The following FLII variants were observed in gnomAD, a reference collection of about 807,000 sequenced individuals.
The protein encoded by FLII is FLII actin remodeling protein.
In FLII, 101 loss-of-function variants were observed where a neutral mutation model predicts 156.2. That is an observed-to-expected ratio of 0.65 (90% CI 0.55 to 0.76). The LOEUF (loss-of-function observed/expected upper bound fraction) is 0.76. Ranked by LOEUF, FLII falls within the 30% of genes least tolerant of loss-of-function variation. The probability of loss-of-function intolerance (pLI) is 0.00; values close to 1 mark genes in which losing one functional copy is unlikely to be tolerated. For synonymous variants in FLII, 767 were observed against 685.8 expected (o/e 1.12, Z -1.85); for missense variants, 1,675 against 1,682.8 (o/e 1.00, Z 0.08).
rs1364508195 is a variant in FLII, at chr17:18,253,731, G to A, written c.680-12C>T. The A allele has an allele frequency of 2.5e-6, 4 of 1,593,244 alleles. No individual in the cohort carries two copies. The highest frequency in any genetic ancestry group is 2.7e-5 in the African/African-American group (2 of 74,690). Reference sequence around the variant, plus strand: ...GGACAGATCCACGTCTGGGGTGCAGGGTGGGGTGCATCAGCTGGGGCCCAT... The same window carrying A: ...GGACAGATCCACGTCTGGGGTGCAGAGTGGGGTGCATCAGCTGGGGCCCAT... On this transcript the variant is annotated splice_polypyrimidine_tract_variant and intron_variant, in intron 7 of 29. Transcript: ENST00000327031.
intron 6 of FLII, 109 bp from the exon 7 acceptor site, chr17:18,254,291 G>T: frequency 1.1e-6 from 1 of 916,946 alleles, no homozygotes; most frequent in Non-Finnish European, 1.6e-6. Flanking sequence ...TAGGTGTGAG[G>T]TCACATCTGG....
chr17:18,245,746 G>C lies in FLII; in HGVS notation c.3501C>G (p.Phe1167Leu), dbSNP rs1349765136. The C allele has an allele frequency of 6.2e-7, 1 of 1,613,804 alleles. No homozygotes were observed. Among genetic ancestry groups the C allele is most frequent in the Non-Finnish European group, 8.5e-7 (1 of 1,179,772 alleles). Residue 1167 changes from phenylalanine to leucine, a missense_variant and splice_region_variant, in exon 27 of 30, where the codon TTC becomes TTG. This residue lies in a region of FLII where 1,332 missense variants were observed against 1,269.3 expected (regional missense o/e 1.05). Transcript: ENST00000327031. ...GAGGGTCAGGGCCCTGGCCTCACCG[G>C]AAGAGACGTGTGTGTTTCATGTACT... ...DAEYMKHTRL[F>L]RCSNEKGYFA...
intron 23 of FLII, 50 bp from the exon 24 acceptor site, chr17:18,246,512 CTCGGGA>C (rs1236959757): frequency 6.2e-7 from 1 of 1,612,310 alleles, no homozygotes; most frequent in East Asian, 2.2e-5. Context: ...CCACCTGCCC[CTCGGGA>C]GCCTAACCTT....
chr17:18,256,051 C>T (rs576613053), intron 3 of FLII, among the ~76,000 whole-genome samples: 25 of 152,376 alleles, frequency 1.6e-4, no homozygotes, highest in African/African-American at 5.5e-4. Context: ...TGTTCTGGGA[C>T]GTTCAAGTCT....
intron 10 of FLII, 29 bp downstream of exon 10, chr17:18,252,441 CTT>C (rs2048299566): frequency 6.2e-7 from 1 of 1,601,076 alleles, no homozygotes; most frequent in South Asian, 1.1e-5. Flanking sequence ...GCTTGTCTCT[CTT>C]GAGCCCTCTC....
Position 18,247,284 on chromosome 17 carries a change from A to C in FLII, c.2561T>G (p.Leu854Arg). Residue 854 changes from leucine (L) to arginine (R), a missense_variant, in exon 21 of 30, where the codon CTG (leucine) becomes CGG (arginine). By Grantham distance (102) the Leu-to-Arg change is moderately radical. Around this residue, in one of 2 missense-constraint regions of FLII, gnomAD observed 1,332 missense variants for 1,269.3 expected, o/e 1.05. Transcript: ENST00000327031. ...CTTCCCGGAGAGACCCGGGCTCTGC[A>C]GCACGGCCTCCGCATTGCGTGTGTA... ...VDYTRNAEAV[L>R]QSPGLSGKVK... The C allele has an allele frequency of 6.2e-7, 1 of 1,613,036 alleles. No individual in the cohort carries two copies. The highest frequency in any genetic ancestry group is 1.1e-5 in the South Asian group (1 of 91,040).
intron 10 of FLII, 61 bp from the exon 11 acceptor site, chr17:18,252,207 A>C: frequency 2.0e-6 from 3 of 1,473,300 alleles, no homozygotes; most frequent in Non-Finnish European, 2.8e-6. Flanking sequence ...AGACACACCA[A>C]TCCAGTTTCT....
intron 6 of FLII, 53 bp downstream of exon 6, chr17:18,254,468 G>T: frequency 6.5e-7 from 1 of 1,533,274 alleles, no homozygotes; most frequent in South Asian, 1.2e-5. Context: ...AAGGGGCCCG[G>T]CCAGACTCCT....
In FLII at chr17:18,247,065, G is replaced by A. The variant is rs1319100664; in HGVS notation, c.2677-13C>T. The stretch of plus-strand genomic sequence containing the variant: ...TCAGCTGCTCCGCCTGCAGGTGAGA[G>A]GGACCCGCCCCGCGGCAGGTCTGAG... On this transcript the variant is annotated splice_polypyrimidine_tract_variant and intron_variant, in intron 21 of 29. Transcript: ENST00000327031. The A allele has an allele frequency of 6.2e-7, 1 of 1,611,692 alleles. No individual in the cohort carries two copies. The highest frequency in any genetic ancestry group is 1.1e-5 in the South Asian group (1 of 91,082).
rs1351530965 is a variant in FLII, at chr17:18,258,125, G to A, written c.63+503C>T. ...GAGGAGACTTTTAAGCCCCTTCACC[G>A]GCTGAGAAAGCCTAGGCTCTGAGAG... is the stretch of plus-strand genomic sequence containing the variant. On this transcript the variant is annotated intron_variant, in intron 1 of 29. Transcript: ENST00000327031. The surrounding 1 kb of genome is among the most constrained non-coding windows in gnomAD (Gnocchi z 4.2). Among the ~76,000 whole-genome samples, 5 of 152,250 alleles carry A rather than the reference G, an allele frequency of 3.3e-5. No individual in the cohort carries two copies. The highest frequency in any genetic ancestry group is 6.5e-5 in the Admixed American group (1 of 15,290).
chr17:18,248,748 C>A, intron 17 of FLII, 27 bp from the exon 18 acceptor site: 1 of 1,614,010 alleles, frequency 6.2e-7, no homozygotes, highest in Non-Finnish European at 8.5e-7. Flanking sequence ...AAGTCATCAG[C>A]GAGGCTCACA....
At position 18,252,042 on chromosome 17, in the gene FLII, C is replaced by T; in HGVS notation, c.1203G>A (p.Arg401=). The change falls in exon 11 of 30, where the codon CGG becomes CGA. Residue 401 remains arginine (R), a synonymous_variant. Transcript: ENST00000327031. ...NIDFSLQNQL[R]LAGASPATVA... ...CGGTAGCAGGAGAGGCACCCGCTAG[C>T]CGCAGCTGGTTCTGCAGCGAGAAGT... 6.2e-7 allele frequency: 1 copy of T among 1,613,234 alleles called. No individual in the cohort carries two copies. The highest frequency in any genetic ancestry group is 8.5e-7 in the Non-Finnish European group (1 of 1,179,988).
Position 18,258,333 on chromosome 17 carries a change from A to G in FLII, c.63+295T>C. 1.5e-6 allele frequency: 1 copy of G among 647,070 alleles called. No homozygotes were observed. The highest frequency in any genetic ancestry group is 2.5e-6 in the Non-Finnish European group (1 of 402,546). The allele number at this position is 647,070 out of a possible 1,614,324, so 40.1% of individuals were successfully genotyped here. On this transcript the variant is annotated intron_variant, in intron 1 of 29. Coordinates refer to ENST00000327031, the MANE Select transcript of FLII (RefSeq NM_002018.4). The surrounding 1 kb of genome is among the most constrained non-coding windows in gnomAD (Gnocchi z 4.2). The stretch of plus-strand genomic sequence containing the variant: ...AGGCTCGCCCGATCCCCAGGCCACC[A>G]TCCAGCCTAGACCGAGAACACGGAC...
rs1402206783 is a variant in FLII, at chr17:18,247,821, C to T, written c.2323G>A (p.Val775Met). 31 of 1,613,398 alleles carry T rather than the reference C, an allele frequency of 1.9e-5. No homozygotes were observed. The highest frequency in any genetic ancestry group is 2.5e-5 in the Non-Finnish European group (29 of 1,180,016). ...LLQSLLDTRC[V>M]YILDCWSDVF... ...TCGGACCAACAGTCCAGAATGTACA[C>T]GCAGCGCGTGTCCAGCAGACTCTGC... The change falls in exon 20 of 30, where the codon GTG becomes ATG. Residue 775 changes from valine to methionine, a missense_variant. Physicochemically the swap from Val to Met is conservative, Grantham distance 21. Around this residue, in one of 2 missense-constraint regions of FLII, gnomAD observed 1,332 missense variants for 1,269.3 expected, o/e 1.05. Coordinates refer to ENST00000327031, the MANE Select transcript of FLII (RefSeq NM_002018.4).
chr17:18,252,516 G>A lies in FLII; in HGVS notation c.1054C>T (p.Leu352=). The change falls in exon 10 of 30, where the codon CTG becomes TTG. Residue 352 remains leucine, a synonymous_variant. Transcript: ENST00000327031. ...TGGATGGCTTCTGGGAGGGTCACCA[G>A]GTGGTTCTTGTTCAGGACAAGTTTC... ...LRKLVLNKNH[L]VTLPEAIHFL... 1 of 1,613,776 alleles carries A rather than the reference G, an allele frequency of 6.2e-7. No individual in the cohort carries two copies. The highest frequency in any genetic ancestry group is 1.3e-5 in the African/African-American group (1 of 75,048).
Position 18,256,562 on chromosome 17 carries a change from C to A in FLII, c.210G>T (p.Thr70=). 1 of 1,551,684 alleles carries A rather than the reference C, an allele frequency of 6.4e-7. No homozygotes were observed. The highest frequency in any genetic ancestry group is 8.7e-7 in the Non-Finnish European group (1 of 1,147,010). Residue 70 remains threonine, a synonymous_variant, in exon 3 of 30, where the codon ACG becomes ACT. Transcript: ENST00000327031. ...GCAGGCTGGACAGCTCCCCATGAAG[C>A]GTGGTCAGGTTGTTGTGGCTCACAG... The part of the protein sequence containing the change: ...HLSVSHNNLT[T]LHGELSSLPS...
rs147331419 is a variant in FLII at position 18,250,991 on chromosome 17, G to A, written c.1623C>T (p.Leu541=). 29 of 1,613,578 alleles carry A rather than the reference G, an allele frequency of 1.8e-5. No homozygotes were observed. The highest frequency in any genetic ancestry group is 1.6e-4 in the Middle Eastern group (1 of 6,078). The change falls in exon 14 of 30, where the codon CTC becomes CTT. Residue 541 remains leucine, a synonymous_variant. Coordinates refer to ENST00000327031, the MANE Select transcript of FLII (RefSeq NM_002018.4). The stretch of plus-strand genomic sequence containing the variant: ...CAATCCAGTAGTAGATCTCCCAGTT[G>A]AGGGAGCCGCTGTCATCCAGAAAGG... ...LKTFLDDSGS[L]NWEIYYWIGG... is the part of the protein sequence containing the mutation.
Position 18,245,216 on chromosome 17 carries a change from C to G in FLII, c.3732G>C (p.Leu1244=), listed in dbSNP as rs1029504988. 3.7e-6 allele frequency: 6 copies of G among 1,613,824 alleles called. No homozygotes were observed. The highest frequency in any genetic ancestry group is 4.2e-6 in the Non-Finnish European group (5 of 1,179,946). Reference sequence around the variant, plus strand: ...CGTGCTGCTCATTGCCCTTGCGGACCAGGCGCAGCCGGCGCGGCCGCTCAT... The same window carrying G: ...CGTGCTGCTCATTGCCCTTGCGGACGAGGCGCAGCCGGCGCGGCCGCTCAT... ...KEHERPRRLR[L]VRKGNEQHAF... The change falls in exon 30 of 30, where the codon CTG becomes CTC. Residue 1244 remains leucine, a synonymous_variant. Transcript: ENST00000327031.
intron 4 of FLII, 36 bp from the exon 5 acceptor site, chr17:18,254,890 C>G: frequency 1.3e-6 from 2 of 1,593,110 alleles, no homozygotes; most frequent in Non-Finnish European, 1.7e-6. Flanking sequence ...TCAGGGGAGT[C>G]TCCTCCCCAC....
Sources: allele counts gnomAD v4.1 joint callset (sites outside exome capture counted in the v4.1 genomes callset), GRCh38; gene constraint gnomAD v4.1.1; regional missense constraint gnomAD v4.1.1; non-coding constraint Gnocchi (gnomAD v3.1); transcripts MANE v1.5; gene names NCBI Gene and HGNC (gene_info 2026-07-23, HGNC 2026-07-21).